Variants in SAMMSON observed in about 807,000 individuals in gnomAD.
SAMMSON encodes the protein survival associated mitochondrial melanoma specific oncogenic non-coding RNA.
At chr3:70,059,645 A>G (rs1036841047) in intron 3 of SAMMSON, among the ~76,000 whole-genome samples, 5 of 152,114 alleles carry the variant, frequency 3.3e-5, no homozygotes, top group African/African-American at 9.7e-5. Context: ...GTCTGTCCAC[A>G]TTGGTGAGGA....
chr3:70,293,115 C>T (rs915331112), intron 7 of SAMMSON, among the ~76,000 whole-genome samples: 1 of 150,132 alleles, frequency 6.7e-6, no homozygotes, highest in Non-Finnish European at 1.5e-5. Flanking sequence ...CAGTATTCAC[C>T]AACTGCTGCT....
chr3:70,141,348 A>T (rs1219875856), intron 4 of SAMMSON, among the ~76,000 whole-genome samples: 1 of 152,212 alleles, frequency 6.6e-6, no homozygotes, highest in East Asian at 1.9e-4. Flanking sequence ...CAGGAGTACC[A>T]ATGCCCAAGG....
At chr3:70,310,026 C>T (rs1186454325) in intron 7 of SAMMSON, among the ~76,000 whole-genome samples, 2 of 152,042 alleles carry the variant, frequency 1.3e-5, no homozygotes, top group Admixed American at 1.3e-4. Flanking sequence ...ATGAACTTCA[C>T]CATAAGTGGT....
intron 4 of SAMMSON, among the ~76,000 whole-genome samples, chr3:70,099,825 C>G (rs1167630972): frequency 6.6e-6 from 1 of 152,092 alleles, no homozygotes; most frequent in Non-Finnish European, 1.5e-5. Flanking sequence ...TTTTCATAAC[C>G]CAATATTCTG....
At chr3:70,121,851 C>T (rs932464936) in intron 4 of SAMMSON, among the ~76,000 whole-genome samples, 2 of 152,084 alleles carry the variant, frequency 1.3e-5, no homozygotes, top group African/African-American at 4.8e-5. Context: ...TTTAAGCTTG[C>T]ATTCTCCCAT....
chr3:70,046,305 G>A (rs1445964388), intron 3 of SAMMSON, among the ~76,000 whole-genome samples: 2 of 152,094 alleles, frequency 1.3e-5, no homozygotes, highest in Non-Finnish European at 2.9e-5. Context: ...AGTGATTGAT[G>A]CAGATCTTCC....
At chr3:70,336,352 A>G (rs1017941347) in intron 7 of SAMMSON, among the ~76,000 whole-genome samples, 23 of 152,168 alleles carry the variant, frequency 1.5e-4, no homozygotes, top group Admixed American at 6.5e-5. Flanking sequence ...TGTATGCTTC[A>G]CAAATACTCT....
intron 3 of SAMMSON, among the ~76,000 whole-genome samples, chr3:70,023,052 G>T (rs536441081): frequency 2.0e-5 from 3 of 152,212 alleles, no homozygotes; most frequent in Admixed American, 6.5e-5. Context: ...GCTATGATCC[G>T]AATTGCAAAA....
At chr3:70,363,629 T>A (rs1281570520) in intron 9 of SAMMSON, among the ~76,000 whole-genome samples, 1 of 152,090 alleles carries the variant, frequency 6.6e-6, no homozygotes, top group Admixed American at 6.6e-5. Flanking sequence ...GTGAACATGT[T>A]AAGGTTTTAG....
intron 4 of SAMMSON, among the ~76,000 whole-genome samples, chr3:70,231,038 G>T (rs1156371582): frequency 6.6e-6 from 1 of 152,092 alleles, no homozygotes; most frequent in Non-Finnish European, 1.5e-5. Context: ...TCTTACCATC[G>T]CTCTGCATTT....
intron 2 of SAMMSON, among the ~76,000 whole-genome samples, chr3:70,400,059 T>C (rs1701127425): frequency 6.6e-6 from 1 of 152,144 alleles, no homozygotes; most frequent in African/African-American, 2.4e-5. Context: ...TTCATAATAC[T>C]ATTTTTATTT....
chr3:70,251,641 C>T (rs1310916046), intron 6 of SAMMSON, among the ~76,000 whole-genome samples: 1 of 152,168 alleles, frequency 6.6e-6, no homozygotes, highest in Non-Finnish European at 1.5e-5. Flanking sequence ...AATTTAGGTT[C>T]TGCTTTTGCA....
chr3:70,340,441 G>A (rs148843854), intron 7 of SAMMSON, among the ~76,000 whole-genome samples: 1 of 151,928 alleles, frequency 6.6e-6, no homozygotes, highest in African/African-American at 2.4e-5. Context: ...TGAAATGTTG[G>A]CCTTTGGCTG....
intron 1 of SAMMSON, among the ~76,000 whole-genome samples, chr3:70,000,495 G>A (rs1455274268): frequency 2.6e-5 from 4 of 152,156 alleles, no homozygotes; most frequent in Admixed American, 2.6e-4. Flanking sequence ...AATGAAAAAG[G>A]ATATTCTCAA....
chr3:70,378,979 TTTTATTTA>T (rs145138282), intron 9 of SAMMSON, among the ~76,000 whole-genome samples: 16,927 of 141,390 alleles, frequency 0.12, 1,187 homozygotes, highest in East Asian at 0.33. Flanking sequence ...ATACTTACAC[TTTTATTTA>T]TTTATTTATT....
chr3:70,189,648 C>T (rs903243248), intron 4 of SAMMSON, among the ~76,000 whole-genome samples: 9 of 152,300 alleles, frequency 5.9e-5, no homozygotes, highest in East Asian at 1.9e-4. Context: ...TACTTATTCT[C>T]GCCTACCTAG....
intron 4 of SAMMSON, among the ~76,000 whole-genome samples, chr3:70,214,342 C>A (rs1180746587): frequency 6.6e-6 from 1 of 152,032 alleles, no homozygotes; most frequent in Admixed American, 6.6e-5. Flanking sequence ...TAAAACCCTG[C>A]CTCAAGAAAC....
chr3:70,423,603 G>GAA (rs5849951), intron 2 of SAMMSON, among the ~76,000 whole-genome samples: 1 of 151,922 alleles, frequency 6.6e-6, no homozygotes, highest in Non-Finnish European at 1.5e-5. Flanking sequence ...CAATCAGTGA[G>GAA]AAAAAACGTG....
intron 7 of SAMMSON, among the ~76,000 whole-genome samples, chr3:70,348,957 C>G (rs75423515): frequency 6.6e-6 from 1 of 152,048 alleles, no homozygotes; most frequent in African/African-American, 2.4e-5. Flanking sequence ...ACCCAGGGAG[C>G]AGGTCAAGCA....
Sources: allele counts gnomAD v4.1 joint callset (sites outside exome capture counted in the v4.1 genomes callset), GRCh38; gene constraint gnomAD v4.1.1; transcripts MANE v1.5; gene names NCBI Gene and HGNC (gene_info 2026-07-23, HGNC 2026-07-21).